Variants in SSH1 observed in about 807,000 individuals in gnomAD.
The protein encoded by SSH1 is protein phosphatase Slingshot homolog 1.
Under a neutral mutation model 79.7 loss-of-function variants are expected in SSH1, and 43 were observed. The observed-to-expected ratio is 0.54, with a 90% CI of 0.42 to 0.70. The LOEUF is 0.70. SSH1 is among the 30% of genes least tolerant of loss of function. The pLI is 0.00. For missense variants in SSH1, 1,206 were observed against 1,358.8 expected (o/e 0.89, Z 1.77); for synonymous variants, 599 against 538.3 (o/e 1.11, Z -1.56).
At chr12:108,841,002 A>G (rs905836213) in intron 2 of SSH1, among the ~76,000 whole-genome samples, 1 of 152,246 alleles carries the variant, frequency 6.6e-6, no homozygotes, top group Admixed American at 6.5e-5. Context: ...GAGCAGCACA[A>G]TATAAACACA....
At chr12:108,842,954 A>T (rs2038814573) in intron 2 of SSH1, among the ~76,000 whole-genome samples, 1 of 152,176 alleles carries the variant, frequency 6.6e-6, no homozygotes, top group South Asian at 2.1e-4. Context: ...CACAGAGTGG[A>T]GTATGGGTGC....
Position 108,792,351 on chromosome 12 carries a change from G to A in SSH1, c.1828C>T (p.Gln610Ter). 1.2e-6 allele frequency: 2 copies of A among 1,614,186 alleles called. No individual in the cohort carries two copies. Among genetic ancestry groups the A allele is most frequent in the South Asian group, 2.2e-5 (2 of 91,078 alleles). ...RWGQLPTQLDQNLLNSENLNN... is the reference protein window; with the variant it reads ...RWGQLPTQLD ...AGGTTCTCCGAGTTGAGCAGGTTTT[G>A]ATCGAGCTGGGTTGGAAGCTGCCCC... The change falls in exon 14 of 15, where the codon CAA becomes TAA. Residue 610 changes from glutamine to a stop codon, truncating the protein, a stop_gained. Coordinates refer to ENST00000326495, the MANE Select transcript of SSH1 (RefSeq NM_018984.4). LOFTEE classifies it high-confidence loss of function.
rs1478632697 is a variant in SSH1, at chr12:108,788,337, C to T, written c.2801G>A (p.Arg934Gln). Residue 934 changes from arginine (R) to glutamine (Q), a missense_variant, in exon 15 of 15, where the codon CGG becomes CAG. Physicochemically the swap from Arg to Gln is conservative, Grantham distance 43 (BLOSUM62 1). Transcript: ENST00000326495. ...TSSSMSSNLT[R>Q]SSSSDSIHSV... is the part of the protein sequence containing the mutation. ...GTGGATGCTATCGCTGCTGGAGCTCCGGGTCAGGTTGGAGCTCATGGAAGA... is the reference window on the plus strand; with the variant it reads ...GTGGATGCTATCGCTGCTGGAGCTCTGGGTCAGGTTGGAGCTCATGGAAGA... The T allele has an allele frequency of 1.9e-6, 3 of 1,613,068 alleles. No individual in the cohort carries two copies. The highest frequency in any genetic ancestry group is 2.5e-6 in the Non-Finnish European group (3 of 1,179,944).
chr12:108,792,632 T>C lies in SSH1; in HGVS notation c.1547A>G (p.Asp516Gly), dbSNP rs776772737. 2 of 1,611,086 alleles carry C rather than the reference T, an allele frequency of 1.2e-6. No individual in the cohort carries two copies. Among genetic ancestry groups the C allele is most frequent in the Non-Finnish European group, 1.7e-6 (2 of 1,179,390 alleles). The stretch of plus-strand genomic sequence containing the variant: ...ATCCTCAGGGGAAGGCAGAAGGGGG[T>C]CTGAGAGTCGCCGGAAACAGCAGGG... ...PLPCCFRRLS[D>G]PLLPSPEDET... Residue 516 changes from aspartate (D) to glycine (G), a missense_variant, in exon 14 of 15, where the codon GAC (aspartate) becomes GGC (glycine). Transcript: ENST00000326495.
At position 108,779,408 on chromosome 12, in the gene SSH1, A is replaced by T. The variant is rs1696317797; in HGVS notation, c.*8580T>A. 6.6e-6 allele frequency: 1 copy of T among 152,154 alleles called. No individual in the cohort carries two copies. The highest frequency in any genetic ancestry group is 2.4e-5 in the African/African-American group (1 of 41,424). The allele number at this position is 152,154 out of a possible 1,614,324, so 9.4% of individuals were successfully genotyped here. A position where few individuals can be genotyped will look rare whatever the true frequency, so the allele number is the denominator to read the frequency against. On this transcript the variant is annotated 3_prime_UTR_variant, in exon 15 of 15. Coordinates refer to ENST00000326495, the MANE Select transcript of SSH1 (RefSeq NM_018984.4). ...CATCTGCTTCCTTGCTGAAACCACA[A>T]GGGAGATCAAGATGCATCTTTGTCT...
chr12:108,854,099 A>G (rs2137300461), intron 1 of SSH1, among the ~76,000 whole-genome samples: 1 of 152,336 alleles, frequency 6.6e-6, no homozygotes, highest in Admixed American at 6.5e-5. Context: ...GACAAAGAGT[A>G]TGTTGGGGTC....
intron 4 of SSH1, 105 bp downstream of exon 4, chr12:108,818,144 G>A: frequency 4.3e-6 from 4 of 934,214 alleles, no homozygotes; most frequent in South Asian, 2.6e-5. Flanking sequence ...GCTGTAGTGA[G>A]CTAAGATCAT....
chr12:108,815,757 C>A (rs1479042612), intron 5 of SSH1, among the ~76,000 whole-genome samples: 1 of 152,212 alleles, frequency 6.6e-6, no homozygotes, highest in Non-Finnish European at 1.5e-5. Flanking sequence ...CACCCCAAGG[C>A]CACAGAGGCC....
At chr12:108,841,144 G>A (rs1220825830) in intron 2 of SSH1, among the ~76,000 whole-genome samples, 3 of 152,216 alleles carry the variant, frequency 2.0e-5, no homozygotes, top group African/African-American at 7.2e-5. Context: ...TTGCACAGCA[G>A]ATGACGCCTC....
intron 2 of SSH1, among the ~76,000 whole-genome samples, chr12:108,828,707 G>A (rs1043234695): frequency 6.6e-5 from 10 of 152,182 alleles, no homozygotes; most frequent in Non-Finnish European, 1.2e-4. Flanking sequence ...CACCACTGCC[G>A]TCATAGTTGG....
chr12:108,792,784 G>A lies in SSH1; in HGVS notation c.1395C>T (p.Ser465=). 6.2e-7 allele frequency: 1 copy of A among 1,613,934 alleles called. No homozygotes were observed. The highest frequency in any genetic ancestry group is 8.5e-7 in the Non-Finnish European group (1 of 1,180,050). Residue 465 remains serine (S), a synonymous_variant, in exon 14 of 15, where the codon AGC becomes AGT. Coordinates refer to ENST00000326495, the MANE Select transcript of SSH1 (RefSeq NM_018984.4). ...CAGGGTCATCCACAGGCTGCTGGAG[G>A]CTGCTGTCTGTCTGCTGACGCCACA... ...NKLWRQQTDS[S]LQQPVDDPAG...
At chr12:108,841,816 A>C (rs975968303) in intron 2 of SSH1, among the ~76,000 whole-genome samples, 2 of 141,254 alleles carry the variant, frequency 1.4e-5, no homozygotes, top group East Asian at 2.2e-4. Flanking sequence ...CCCCCCCACA[A>C]AAAAAAAGTA....
Position 108,817,206 on chromosome 12 carries a change from T to C in SSH1, c.280-47A>G, listed in dbSNP as rs2037929583. The C allele has an allele frequency of 1.9e-6, 3 of 1,608,922 alleles. No individual in the cohort carries two copies. The East Asian group carries it at 6.7e-5, about 36-fold the overall frequency. On this transcript the variant is annotated intron_variant, in intron 4 of 14. Transcript: ENST00000326495. The stretch of plus-strand genomic sequence containing the variant: ...CTCACTAACCTGCCTTTGGAGGTGG[T>C]GCCTCCCTCCCATCTCCAATGCAAG...
In SSH1 at chr12:108,807,649, C is replaced by G; in HGVS notation, c.715G>C (p.Ala239Pro). The G allele has an allele frequency of 1.9e-6, 3 of 1,612,692 alleles. No homozygotes were observed. The highest frequency in any genetic ancestry group is 2.5e-6 in the Non-Finnish European group (3 of 1,179,290). Residue 239 changes from alanine to proline, a missense_variant, in exon 8 of 15, where the codon GCG becomes CCG. Ala to Pro is a conservative substitution (Grantham distance 27). Around this residue, in one of 5 missense-constraint regions of SSH1, gnomAD observed 116 missense variants for 109.0 expected, o/e 1.06. Transcript: ENST00000326495. The surrounding 1 kb of genome is among the most constrained non-coding windows in gnomAD (Gnocchi z 5.2). ...CTCACTTACTTGTCCACAAATAGCG[C>G]GGGGGAGTCGGGCCGCGTAGACTCC... ...DLESTRPDSP[A>P]LFVDKPTEGE...
chr12:108,800,970 T>A, intron 11 of SSH1, 44 bp from the exon 12 acceptor site: 5 of 1,583,792 alleles, frequency 3.2e-6, no homozygotes, highest in Non-Finnish European at 4.3e-6. Context: ...ACAATCTGAA[T>A]GAGAAAGAAA....
intron 13 of SSH1, 140 bp from the exon 14 acceptor site, chr12:108,792,969 T>G (rs1251633789): frequency 1.0e-6 from 1 of 992,142 alleles, no homozygotes; most frequent in African/African-American, 1.6e-5. Flanking sequence ...AGGTAAAGCC[T>G]CTCTCTGTTC....
At chr12:108,834,143 G>C (rs1399283003) in intron 2 of SSH1, 2 of 151,812 alleles carry the variant, frequency 1.3e-5, no homozygotes, top group African/African-American at 4.9e-5. Context: ...CAGTATTTCA[G>C]AATAAAAAAC....
At chr12:108,853,228 G>A (rs1049653976) in intron 1 of SSH1, 37 of 985,224 alleles carry the variant, frequency 3.8e-5, no homozygotes, top group East Asian at 2.3e-4. Context: ...CATTTGATAC[G>A]AAACATCCTA....
chr12:108,853,679 T>TG (rs1156670354), intron 1 of SSH1, among the ~76,000 whole-genome samples: 2 of 152,148 alleles, frequency 1.3e-5, no homozygotes, highest in African/African-American at 4.8e-5. Flanking sequence ...ATCCCAGCAC[T>TG]GCAGGAGGCC....
Sources: allele counts gnomAD v4.1 joint callset (sites outside exome capture counted in the v4.1 genomes callset), GRCh38; gene constraint gnomAD v4.1.1; regional missense constraint gnomAD v4.1.1; non-coding constraint Gnocchi (gnomAD v3.1); transcripts MANE v1.5; gene names NCBI Gene and HGNC (gene_info 2026-07-23, HGNC 2026-07-21).